MCF2L: variants seen among roughly 807,000 people sequenced by gnomAD.
MCF2L encodes the protein MCF.2 cell line derived transforming sequence like, also known as guanine nucleotide exchange factor DBS.
In MCF2L, 97 loss-of-function variants were observed where a neutral mutation model predicts 153.4. That is an observed-to-expected ratio of 0.63 (90% confidence interval 0.54 to 0.75). The LOEUF is 0.75. Among genes scored for constraint, MCF2L ranks in the 30% least tolerant of loss-of-function variants. MCF2L has a pLI of 0.00. For synonymous variants in MCF2L, 659 were observed against 632.2 expected (o/e 1.04, Z -0.64); for missense variants, 1,347 against 1,495.2 (o/e 0.90, Z 1.64).
intron 2 of MCF2L, among the ~76,000 whole-genome samples, chr13:112,949,585 A>C (rs1375981616): frequency 6.6e-6 from 1 of 152,214 alleles, no homozygotes; most frequent in Non-Finnish European, 1.5e-5. Context: ...TTTGAAAATT[A>C]GTCAACGTAA....
At chr13:112,909,646 T>C (rs1415368277) in intron 2 of MCF2L, 1 of 249,872 alleles carries the variant, frequency 4.0e-6, no homozygotes, top group Non-Finnish European at 7.9e-6. Flanking sequence ...TTGTTTTGTT[T>C]GTTTTATGAG....
chr13:113,081,837 G>A (rs989587991), intron 16 of MCF2L, among the ~76,000 whole-genome samples: 6 of 151,904 alleles, frequency 3.9e-5, no homozygotes, highest in African/African-American at 7.3e-5. Context: ...CAGAGGTGGT[G>A]GTCACCCAAG....
At chr13:112,995,708 A>T (rs1306780986) in intron 1 of MCF2L, among the ~76,000 whole-genome samples, 1 of 151,870 alleles carries the variant, frequency 6.6e-6, no homozygotes, top group East Asian at 1.9e-4. Flanking sequence ...CTGTCACCGA[A>T]CCCTCCTTCC....
chr13:113,076,427 G>T (rs1379787634), intron 12 of MCF2L, among the ~76,000 whole-genome samples: 3 of 152,082 alleles, frequency 2.0e-5, no homozygotes, highest in Non-Finnish European at 4.4e-5. Flanking sequence ...ACCAAGCCTG[G>T]CTAATTTTTG....
At chr13:112,927,888 C>G (rs897610343) in intron 2 of MCF2L, among the ~76,000 whole-genome samples, 4 of 152,192 alleles carry the variant, frequency 2.6e-5, no homozygotes, top group Non-Finnish European at 4.4e-5. Context: ...GCAAGAAAAC[C>G]TGTCTATCAA....
At chr13:113,000,249 C>T (rs1172540499) in intron 1 of MCF2L, among the ~76,000 whole-genome samples, 9 of 152,190 alleles carry the variant, frequency 5.9e-5, no homozygotes, top group African/African-American at 1.2e-4. Context: ...CAGCTCACAC[C>T]GTGGGTACCA....
intron 3 of MCF2L, chr13:113,043,184 G>A (rs925666979): frequency 6.6e-6 from 1 of 152,242 alleles, no homozygotes; most frequent in Admixed American, 6.5e-5. Flanking sequence ...TCGCAGAGGC[G>A]GTGAGCCCCT....
At chr13:113,025,849 TGG>T (rs2085244378) in intron 3 of MCF2L, among the ~76,000 whole-genome samples, 1 of 70,366 alleles carries the variant, frequency 1.4e-5, no homozygotes, top group African/African-American at 5.6e-5. Flanking sequence ...GGTTTCATCA[TGG>T]TGGGGTCCCC....
At chr13:113,032,327 G>A (rs752500390) in intron 3 of MCF2L, among the ~76,000 whole-genome samples, 3 of 152,176 alleles carry the variant, frequency 2.0e-5, no homozygotes, top group Admixed American at 6.5e-5. Context: ...GTCTGTGAGC[G>A]TGTGTGAGCG....
At chr13:112,925,902 C>A (rs1310630707) in intron 2 of MCF2L, among the ~76,000 whole-genome samples, 1 of 152,050 alleles carries the variant, frequency 6.6e-6, no homozygotes, top group East Asian at 1.9e-4. Flanking sequence ...AGTCCTGTGA[C>A]AGACTGGAAA....
intron 1 of MCF2L, among the ~76,000 whole-genome samples, chr13:113,012,009 C>T (rs1469931676): frequency 9.2e-6 from 1 of 109,158 alleles, no homozygotes; most frequent in Non-Finnish European, 2.0e-5. Context: ...GGACGGTGGA[C>T]ACTGCGATGA....
intron 1 of MCF2L, among the ~76,000 whole-genome samples, chr13:112,970,876 C>T (rs528054603): frequency 2.0e-5 from 3 of 152,160 alleles, no homozygotes; most frequent in African/African-American, 4.8e-5. Flanking sequence ...TGTGGGCCAT[C>T]GTCTCATCTG....
intron 25 of MCF2L, 127 bp downstream of exon 25, chr13:113,088,755 T>G (rs1295651192): frequency 1.1e-6 from 1 of 940,096 alleles, no homozygotes; most frequent in Non-Finnish European, 1.6e-6. Context: ...TTGAGGCCCC[T>G]GGTGTTTATG....
intron 1 of MCF2L, among the ~76,000 whole-genome samples, chr13:112,978,044 AATCTGGGGG>A (rs1368397634): frequency 1.3e-5 from 2 of 152,212 alleles, no homozygotes; most frequent in African/African-American, 4.8e-5. Flanking sequence ...ACTGCATTCC[AATCTGGGGG>A]ATAGAGCAAG....
intron 26 of MCF2L, chr13:113,090,621 G>A (rs73578925): frequency 0.074 from 72,548 of 985,396 alleles, 3,527 homozygotes; most frequent in South Asian, 0.2. Flanking sequence ...GCTCACCTGC[G>A]AGAGCTCCAT....
intron 1 of MCF2L, among the ~76,000 whole-genome samples, chr13:112,996,339 G>A (rs909588248): frequency 2.0e-4 from 30 of 152,138 alleles, no homozygotes; most frequent in Middle Eastern, 3.2e-3. Flanking sequence ...AATAAAAGGC[G>A]TTGACTTTAG....
At chr13:112,933,113 C>T (rs1397303807) in intron 2 of MCF2L, among the ~76,000 whole-genome samples, 1 of 152,198 alleles carries the variant, frequency 6.6e-6, no homozygotes, top group Non-Finnish European at 1.5e-5. Flanking sequence ...AGCTGAGGAG[C>T]AGGAGTGCTG....
At chr13:112,946,604 G>A (rs1001935240) in intron 2 of MCF2L, among the ~76,000 whole-genome samples, 1 of 152,142 alleles carries the variant, frequency 6.6e-6, no homozygotes, top group Non-Finnish European at 1.5e-5. Flanking sequence ...GTTTCCTCAA[G>A]GTCATTGTTT....
At position 113,064,432 on chromosome 13, in the gene MCF2L, C is replaced by T. The variant is rs776717163; in HGVS notation, c.606+12C>T. 1.2e-5 allele frequency: 18 copies of T among 1,549,746 alleles called. No individual in the cohort carries two copies. Among genetic ancestry groups the T allele is most frequent in the South Asian group, 2.2e-5 (2 of 89,816 alleles). On this transcript the variant is annotated intron_variant, in intron 6 of 29. Coordinates refer to ENST00000535094, the MANE Select transcript of MCF2L (RefSeq NM_001112732.3). This position sits in a 1 kb window ranked among gnomAD's most constrained non-coding sequence, Gnocchi z 6.0. ...TGTGCCAGCGCACGGTGAGCCGCGT[C>T]GGGGCCAGCGGGGCTGGCTGATACC... is the stretch of plus-strand genomic sequence containing the variant.
Sources: allele counts gnomAD v4.1 joint callset (sites outside exome capture counted in the v4.1 genomes callset), GRCh38; gene constraint gnomAD v4.1.1; non-coding constraint Gnocchi (gnomAD v3.1); transcripts MANE v1.5; gene names NCBI Gene and HGNC (gene_info 2026-07-23, HGNC 2026-07-21).